SNX27: variants seen among roughly 807,000 people sequenced by gnomAD.
SNX27 encodes sorting nexin 27, also known as sorting nexin-27.
SNX27 carries 22 observed loss-of-function variants against 71.6 expected under a neutral mutation model. That is an observed-to-expected ratio of 0.31 (90% CI 0.22 to 0.44). The LOEUF is 0.44. Ranked by LOEUF, SNX27 falls within the 20% of genes least tolerant of loss-of-function variation. The pLI, the probability that SNX27 is intolerant of heterozygous loss-of-function variation, is 1.00. For synonymous variants in SNX27, 269 were observed against 277.2 expected, an observed-to-expected ratio of 0.97 and a Z score of 0.29; for missense variants, 531 against 698.6, an observed-to-expected ratio of 0.76 and a Z score of 2.70.
rs940874743 is a variant in SNX27, at chr1:151,641,926, A to C, written c.543+2807A>C. Among the ~76,000 whole-genome samples the C allele has an allele frequency of 6.1e-4, 82 of 134,312 alleles. 2 individuals carry two copies. Among genetic ancestry groups the C allele is most frequent in the African/African-American group, 2.1e-3 (77 of 36,212 alleles). 88.1% of individuals were successfully genotyped at this position (134,312 alleles called of 152,430 possible). Reference sequence around the variant, plus strand: ...TGAGATATATATATCAGCTATAGATATATATGAGATATATATATCAGCTAT... The same window carrying C: ...TGAGATATATATATCAGCTATAGATCTATATGAGATATATATATCAGCTAT... On this transcript the variant is annotated intron_variant, in intron 2 of 11. Transcript: ENST00000458013.
rs930955517 is a variant in SNX27 at position 151,687,831 on chromosome 1, C to T, written c.1239+4386C>T. 3.0e-4 allele frequency among the ~76,000 whole-genome samples: 46 copies of T among 152,046 alleles called. 1 individual carries two copies. The highest frequency in any genetic ancestry group is 1.1e-3 in the African/African-American group (46 of 41,482). Reference sequence around the variant, plus strand: ...GGCGTGGTGGCGGGCGCCTGTAGTCCCAGCTACTCAGGAGACTGGGGCAGG... The same window carrying T: ...GGCGTGGTGGCGGGCGCCTGTAGTCTCAGCTACTCAGGAGACTGGGGCAGG... On this transcript the variant is annotated intron_variant, in intron 8 of 11. Coordinates refer to ENST00000458013, the MANE Select transcript of SNX27 (RefSeq NM_001330723.2).
rs972608390 is a variant in SNX27, at chr1:151,696,981, T to C, written c.*2564T>C. The C allele has an allele frequency of 6.6e-6, 1 of 152,250 alleles. No homozygotes were observed. Among genetic ancestry groups the C allele is most frequent in the East Asian group, 1.9e-4 (1 of 5,200 alleles). The allele number at this position is 152,250 out of a possible 1,614,324, so 9.4% of individuals were successfully genotyped here. ...TCTTTCTTTCCTTCTTATTTTGTTA[T>C]GCTGGCAGCCATTTGCCCCTGCATG... On this transcript the variant is annotated 3_prime_UTR_variant, in exon 12 of 12. Coordinates refer to ENST00000458013, the MANE Select transcript of SNX27 (RefSeq NM_001330723.2).
Position 151,698,114 on chromosome 1 carries a change from CAG to C in SNX27, c.*3698_*3699del, listed in dbSNP as rs145768222. Reference sequence around the variant, plus strand: ...AGCTCCTAGGCCTGGACTGAGCTCTCAGGGGGGAATTAGATAAATATTCCAAC... The same window carrying C: ...AGCTCCTAGGCCTGGACTGAGCTCTCGGGGGAATTAGATAAATATTCCAAC... On this transcript the variant is annotated 3_prime_UTR_variant, in exon 12 of 12. Transcript: ENST00000458013. The C allele has an allele frequency of 0.088, 13,465 of 152,288 alleles. 1,432 individuals are homozygous for C. Among genetic ancestry groups the C allele is most frequent in the East Asian group, 0.34 (1,732 of 5,138 alleles). 9.4% of individuals were successfully genotyped at this position (152,288 alleles called of 1,614,324 possible).
intron 7 of SNX27, chr1:151,675,806 C>CTT (rs1558068566): frequency 1.3e-4 from 5 of 39,560 alleles, no homozygotes; most frequent in African/African-American, 2.7e-4. Context: ...TTCTTTCTTT[C>CTT]TTTCTTTTTT....
chr1:151,658,841 C>T (rs1206613977), intron 3 of SNX27, among the ~76,000 whole-genome samples: 6 of 86,288 alleles, frequency 7.0e-5, no homozygotes, highest in East Asian at 3.5e-4. Flanking sequence ...CATGCCACCA[C>T]GCCCAGCTAA....
At chr1:151,653,057 A>G (rs914297842) in intron 2 of SNX27, among the ~76,000 whole-genome samples, 12 of 151,400 alleles carry the variant, frequency 7.9e-5, no homozygotes, top group African/African-American at 2.9e-4. Context: ...CCTCCTGAGT[A>G]GCTCGAATTA....
At chr1:151,684,934 G>C (rs543633227) in intron 8 of SNX27, among the ~76,000 whole-genome samples, 3 of 151,850 alleles carry the variant, frequency 2.0e-5, no homozygotes, top group Admixed American at 1.3e-4. Flanking sequence ...TCAGCCTCTC[G>C]AGTAGCTGGG....
intron 11 of SNX27, chr1:151,693,862 C>CT: frequency 2.1e-6 from 3 of 1,411,770 alleles, no homozygotes; most frequent in Non-Finnish European, 1.8e-6. Flanking sequence ...TCCTGGCAGT[C>CT]TTTCTAGGCG....
intron 7 of SNX27, among the ~76,000 whole-genome samples, chr1:151,672,602 A>G (rs1188898577): frequency 6.6e-6 from 1 of 152,156 alleles, no homozygotes; most frequent in Non-Finnish European, 1.5e-5. Flanking sequence ...GATAGAATTT[A>G]GCAGTGAAAC....
intron 2 of SNX27, among the ~76,000 whole-genome samples, chr1:151,644,719 C>T (rs1668956526): frequency 6.6e-6 from 1 of 152,086 alleles, no homozygotes; most frequent in Non-Finnish European, 1.5e-5. Flanking sequence ...GTGGCTGTAC[C>T]ATAGTTTTTA....
At position 151,631,518 on chromosome 1, in the gene SNX27, C is replaced by T. The variant is rs144779836; in HGVS notation, c.312-7370C>T. Reference sequence around the variant, plus strand: ...GTTTTTGCATTTAACATAAGAACTTCTCCATGTTTGCATATAGTTTTCATA... The same window carrying T: ...GTTTTTGCATTTAACATAAGAACTTTTCCATGTTTGCATATAGTTTTCATA... On this transcript the variant is annotated intron_variant, in intron 1 of 11. Coordinates refer to ENST00000458013, the MANE Select transcript of SNX27 (RefSeq NM_001330723.2). Among the ~76,000 whole-genome samples, 318 of 152,242 alleles carry T rather than the reference C, an allele frequency of 2.1e-3. 2 individuals carry two copies. The highest frequency in any genetic ancestry group is 7.2e-3 in the African/African-American group (299 of 41,542).
At position 151,612,466 on chromosome 1, in the gene SNX27, G is replaced by A. The variant is rs1279650555; in HGVS notation, c.265G>A (p.Ala89Thr). ...QHVSAVLPGGAADRAGVRKGD... is the reference protein window; with the variant it reads ...QHVSAVLPGGTADRAGVRKGD... The stretch of plus-strand genomic sequence containing the variant: ...TGTGAGCGCCGTGCTGCCCGGGGGG[G>A]CGGCCGATCGGGCCGGGGTGCGCAA... The change falls in exon 1 of 12, where the codon GCG becomes ACG. Residue 89 changes from alanine (A) to threonine (T), a missense_variant. Ala to Thr is a moderately conservative substitution (Grantham distance 58, BLOSUM62 0). Coordinates refer to ENST00000458013, the MANE Select transcript of SNX27 (RefSeq NM_001330723.2). This position sits in a 1 kb window ranked among gnomAD's most constrained non-coding sequence, Gnocchi z 5.2. The A allele has an allele frequency of 4.2e-6, 6 of 1,423,076 alleles. No homozygotes were observed. The highest frequency in any genetic ancestry group is 2.8e-5 in the East Asian group (1 of 35,484). 88.2% of individuals were successfully genotyped at this position (1,423,076 alleles called of 1,614,324 possible). A position where few individuals can be genotyped will look rare whatever the true frequency, so the allele number is the denominator to read the frequency against.
intron 2 of SNX27, among the ~76,000 whole-genome samples, chr1:151,639,962 T>TAACA (rs1207741501): frequency 6.6e-6 from 1 of 152,216 alleles, no homozygotes; most frequent in African/African-American, 2.4e-5. Flanking sequence ...TTTTAAAGCT[T>TAACA]AACAGTTGAC....
chr1:151,619,605 C>G (rs1458308458), intron 1 of SNX27, among the ~76,000 whole-genome samples: 1 of 152,018 alleles, frequency 6.6e-6, no homozygotes. Flanking sequence ...CGGGCCCACT[C>G]TGGTATTTTT....
rs550320641 is a variant in SNX27 at position 151,645,020 on chromosome 1, A to G, written c.543+5901A>G. On this transcript the variant is annotated intron_variant, in intron 2 of 11. Coordinates refer to ENST00000458013, the MANE Select transcript of SNX27 (RefSeq NM_001330723.2). ...TTGCCATGTTGGCCAGGCTGGTCTC[A>G]AACTCCTGACCTCAGGTAATCCACC... Among the ~76,000 whole-genome samples, 46 of 152,150 alleles carry G rather than the reference A, an allele frequency of 3.0e-4. 1 individual carries two copies. Among genetic ancestry groups the G allele is most frequent in the African/African-American group, 1.1e-3 (46 of 41,516 alleles).
chr1:151,685,682 A>G (rs1208564318), intron 8 of SNX27, among the ~76,000 whole-genome samples: 2 of 151,472 alleles, frequency 1.3e-5, no homozygotes, highest in East Asian at 1.9e-4. Context: ...ACTCCGTCTC[A>G]ACAACAACAA....
At chr1:151,683,300 T>G in intron 7 of SNX27, 56 bp from the exon 8 acceptor site, 1 of 1,391,998 alleles carries the variant, frequency 7.2e-7, no homozygotes, top group East Asian at 2.3e-5. Context: ...TCATCGAGAA[T>G]GTACATAATA....
At chr1:151,677,557 T>C (rs1387259071) in intron 7 of SNX27, 2 of 152,140 alleles carry the variant, frequency 1.3e-5, no homozygotes, top group African/African-American at 4.8e-5. Flanking sequence ...TTTGTTTATT[T>C]TATTTTAAAT....
At chr1:151,662,118 T>G in intron 4 of SNX27, 48 bp from the exon 5 acceptor site, 1 of 1,329,742 alleles carries the variant, frequency 7.5e-7, no homozygotes, top group Non-Finnish European at 1.1e-6. Flanking sequence ...ACAGGGAGAG[T>G]GAAGATATAC....
Sources: allele counts gnomAD v4.1 joint callset (sites outside exome capture counted in the v4.1 genomes callset), GRCh38; gene constraint gnomAD v4.1.1; non-coding constraint Gnocchi (gnomAD v3.1); transcripts MANE v1.5; gene names NCBI Gene and HGNC (gene_info 2026-07-23, HGNC 2026-07-21).